The following SNX24 variants were observed in gnomAD, a reference collection of about 807,000 sequenced individuals.
SNX24 encodes the protein sorting nexin-24.
Under a neutral mutation model 28.7 loss-of-function variants are expected in SNX24, and 22 were observed. The observed-to-expected ratio is 0.77, with a 90% confidence interval of 0.55 to 1.10. The LOEUF is 1.10. Among genes scored for constraint, SNX24 ranks in the 50% least tolerant of loss-of-function variants. SNX24 has a pLI of 0.00. For missense variants in SNX24, 221 were observed against 201.1 expected (o/e 1.10, Z -0.60); for synonymous variants, 69 against 71.5 (o/e 0.96, Z 0.18).
At chr5:122,967,273 A>G (rs1224641943) in intron 3 of SNX24, among the ~76,000 whole-genome samples, 1 of 152,242 alleles carries the variant, frequency 6.6e-6, no homozygotes, top group Non-Finnish European at 1.5e-5. Flanking sequence ...TGGTATTGGA[A>G]GTCGGTCTGC....
At chr5:122,905,626 A>G (rs1176395439) in intron 1 of SNX24, among the ~76,000 whole-genome samples, 1 of 152,200 alleles carries the variant, frequency 6.6e-6, no homozygotes, top group Non-Finnish European at 1.5e-5. Context: ...TCTGGTCCCA[A>G]GCAATTTGGA....
intron 2 of SNX24, among the ~76,000 whole-genome samples, chr5:122,938,095 G>A (rs1404305542): frequency 6.6e-6 from 1 of 152,042 alleles, no homozygotes; most frequent in East Asian, 1.9e-4. Flanking sequence ...CATGACCCTA[G>A]CACAGCCCAG....
chr5:123,011,082 T>C (rs774347564), downstream of SNX24, among the ~76,000 whole-genome samples: 8 of 152,186 alleles, frequency 5.3e-5, no homozygotes, highest in Admixed American at 3.3e-4. Flanking sequence ...ACAGTGTTAA[T>C]AGTATTCCAA....
At chr5:122,889,628 T>C (rs201512202) in intron 1 of SNX24, among the ~76,000 whole-genome samples, 1,202 of 12,286 alleles carry the variant, frequency 0.098, 16 homozygotes, top group African/African-American at 0.42. Context: ...TATATACACA[T>C]ATATATATAT....
chr5:122,856,397 A>G (rs1262481667), intron 1 of SNX24, among the ~76,000 whole-genome samples: 1 of 151,994 alleles, frequency 6.6e-6, no homozygotes, highest in East Asian at 1.9e-4. Context: ...GGTTGACTTC[A>G]TGTTTTTGCT....
At chr5:122,848,876 G>A (rs1341787280) in intron 1 of SNX24, among the ~76,000 whole-genome samples, 2 of 152,048 alleles carry the variant, frequency 1.3e-5, no homozygotes, top group Non-Finnish European at 2.9e-5. Flanking sequence ...CTTGTGCTGT[G>A]AGCACATACT....
At chr5:122,977,029 G>T (rs1761193226) in intron 3 of SNX24, among the ~76,000 whole-genome samples, 1 of 152,004 alleles carries the variant, frequency 6.6e-6, no homozygotes, top group South Asian at 2.1e-4. Context: ...CCCTGTACTG[G>T]ATTTGGTAGT....
At chr5:122,937,642 C>A (rs1759235406) in intron 2 of SNX24, among the ~76,000 whole-genome samples, 1 of 152,106 alleles carries the variant, frequency 6.6e-6, no homozygotes, top group South Asian at 2.1e-4. Context: ...GAGACTGTTT[C>A]CTTCTCTTTT....
chr5:122,928,114 C>G (rs1317185508), intron 1 of SNX24, among the ~76,000 whole-genome samples: 1 of 152,178 alleles, frequency 6.6e-6, no homozygotes, highest in African/African-American at 2.4e-5. Flanking sequence ...CTCACCTCTT[C>G]CCACTGCCAC....
chr5:122,902,677 TAC>T (rs1272391657), intron 1 of SNX24, among the ~76,000 whole-genome samples: 1 of 152,164 alleles, frequency 6.6e-6, no homozygotes, highest in Non-Finnish European at 1.5e-5. Context: ...CCTAGCCCAG[TAC>T]ACACATTCAG....
chr5:122,891,278 G>A (rs184436817), intron 1 of SNX24, among the ~76,000 whole-genome samples: 3 of 152,010 alleles, frequency 2.0e-5, no homozygotes, highest in East Asian at 3.9e-4. Context: ...TAAAAATACC[G>A]ATTGGCAGGT....
At chr5:122,902,654 C>T (rs896304556) in intron 1 of SNX24, among the ~76,000 whole-genome samples, 2 of 152,148 alleles carry the variant, frequency 1.3e-5, no homozygotes, top group African/African-American at 4.8e-5. Flanking sequence ...TCCTATTGGC[C>T]AGTACTGGAT....
At chr5:122,863,521 CTTTTTTCT>C (rs2150044727) in intron 1 of SNX24, among the ~76,000 whole-genome samples, 1 of 145,678 alleles carries the variant, frequency 6.9e-6, no homozygotes, top group South Asian at 2.3e-4. Context: ...GTTGGCTTTT[CTTTTTTCT>C]TTTTTTTTTT....
rs770622760 is a variant in SNX24, at chr5:122,936,826, T to A, written c.144+9T>A. The A allele has an allele frequency of 6.3e-7, 1 of 1,579,360 alleles. No homozygotes were observed. The highest frequency in any genetic ancestry group is 8.7e-7 in the Non-Finnish European group (1 of 1,151,426). ...ATGCTTTGCACAAAAAGGTAACTTG[T>A]TTTCTGTTTTTTTGTCTTTTCTCTA... On this transcript the variant is annotated intron_variant, in intron 2 of 6. Coordinates refer to ENST00000261369, the MANE Select transcript of SNX24 (RefSeq NM_014035.4).
chr5:122,983,998 C>T (rs947976313), intron 3 of SNX24, among the ~76,000 whole-genome samples: 1 of 152,152 alleles, frequency 6.6e-6, no homozygotes, highest in Non-Finnish European at 1.5e-5. Flanking sequence ...TTTACTGTAA[C>T]ATCAGCATCA....
At chr5:122,855,077 CTTT>C (rs35771449) in intron 1 of SNX24, among the ~76,000 whole-genome samples, 2 of 145,282 alleles carry the variant, frequency 1.4e-5, no homozygotes, top group African/African-American at 2.5e-5. Flanking sequence ...TTTCCTTTTC[CTTT>C]TTTTTTTTTG....
chr5:122,999,565 G>C (rs190265387), intron 3 of SNX24, among the ~76,000 whole-genome samples: 11 of 152,164 alleles, frequency 7.2e-5, no homozygotes, highest in African/African-American at 2.4e-4. Context: ...GATGTTGCCA[G>C]GTTTTGAAAT....
chr5:122,850,232 C>A (rs1020251728), intron 1 of SNX24, among the ~76,000 whole-genome samples: 3 of 152,202 alleles, frequency 2.0e-5, no homozygotes, highest in African/African-American at 7.2e-5. Context: ...AAGGTGCTAG[C>A]AGATTCAGTG....
intron 3 of SNX24, among the ~76,000 whole-genome samples, chr5:122,954,412 T>A (rs1760114264): frequency 1.3e-5 from 2 of 152,118 alleles, no homozygotes; most frequent in African/African-American, 4.8e-5. Context: ...CTTAAATTTC[T>A]TATCATTATT....
Sources: gnomAD v4.1 joint callset for allele counts (sites outside exome capture counted in the v4.1 genomes callset) on GRCh38, gnomAD v4.1.1 for gene constraint, MANE v1.5 for transcripts, NCBI Gene and HGNC (gene_info 2026-07-23, HGNC 2026-07-21) for gene names.